The following PRMT8 variants were observed in gnomAD, a reference collection of about 807,000 sequenced individuals.
PRMT8 encodes protein arginine N-methyltransferase 8.
In PRMT8, 7 loss-of-function variants were observed where a neutral mutation model predicts 47.1. That is an observed-to-expected ratio of 0.15 (90% CI 0.08 to 0.28). PRMT8 has a LOEUF of 0.28. Among genes scored for constraint, PRMT8 ranks in the 10% least tolerant of loss-of-function variants. The probability of loss-of-function intolerance (pLI) is 1.00; values close to 1 mark genes in which losing one functional copy is unlikely to be tolerated. For missense variants in PRMT8, 237 were observed against 505.4 expected (o/e 0.47, Z 5.09); for synonymous variants, 188 against 186.5 (o/e 1.01, Z -0.07).
chr12:3,414,682 G>A (rs1193600401), intron 1 of PRMT8, among the ~76,000 whole-genome samples: 1 of 152,108 alleles, frequency 6.6e-6, no homozygotes, highest in African/African-American at 2.4e-5. Context: ...AGTGTATGCA[G>A]AGGATGATAT....
intron 4 of PRMT8, among the ~76,000 whole-genome samples, chr12:3,561,679 T>C (rs1212010707): frequency 6.6e-6 from 1 of 152,204 alleles, no homozygotes; most frequent in Non-Finnish European, 1.5e-5. Flanking sequence ...TCCCTTAGGA[T>C]GCCATGGCGG....
At position 3,540,613 on chromosome 12, in the gene PRMT8, G is replaced by GACCC; in HGVS notation, c.83_84insACCC (p.Ser28ArgfsTer15). The GACCC allele has an allele frequency of 1.8e-6, 2 of 1,130,522 alleles. No individual in the cohort carries two copies. The highest frequency in any genetic ancestry group is 1.3e-5 in the South Asian group (1 of 78,808). The allele number at this position is 1,130,522 out of a possible 1,614,324, so 70.0% of individuals were successfully genotyped here. ...CCCTTCTCTTCCCCTCAGGTGAACA[G>GACCC]CCCCCCCTCCCAGCCCCCCCAGCCC... On this transcript the variant is annotated frameshift_variant, in exon 2 of 10. Coordinates refer to ENST00000382622, the MANE Select transcript of PRMT8 (RefSeq NM_019854.5). LOFTEE classifies it high-confidence loss of function.
chr12:3,474,896 GAC>G (rs1243997525), intron 1 of PRMT8, among the ~76,000 whole-genome samples: 1 of 152,184 alleles, frequency 6.6e-6, no homozygotes, highest in Non-Finnish European at 1.5e-5. Flanking sequence ...TTGCTGGATG[GAC>G]AAACAAACAT....
At chr12:3,458,174 T>C (rs1565412850) in intron 1 of PRMT8, among the ~76,000 whole-genome samples, 1 of 152,244 alleles carries the variant, frequency 6.6e-6, no homozygotes. Context: ...AGCAGTGTTT[T>C]AATCGTGTAT....
chr12:3,593,264 C>A lies in PRMT8; in HGVS notation c.*82C>A. The A allele has an allele frequency of 8.5e-7, 1 of 1,177,304 alleles. No homozygotes were observed. Among genetic ancestry groups the A allele is most frequent in the Non-Finnish European group, 1.2e-6 (1 of 813,532 alleles). 72.9% of individuals were successfully genotyped at this position (1,177,304 alleles called of 1,614,324 possible). On this transcript the variant is annotated 3_prime_UTR_variant, in exon 10 of 10. Coordinates refer to ENST00000382622, the MANE Select transcript of PRMT8 (RefSeq NM_019854.5). This position sits in a 1 kb window ranked among gnomAD's most constrained non-coding sequence, Gnocchi z 4.8. Reference sequence around the variant, plus strand: ...GTGCCGTCCCAAAGAATACCGTTTGCAGGACTACACACTTGAAAACCAGAG... The same window carrying A: ...GTGCCGTCCCAAAGAATACCGTTTGAAGGACTACACACTTGAAAACCAGAG...
chr12:3,402,565 C>T (rs1864328419), intron 1 of PRMT8, among the ~76,000 whole-genome samples: 1 of 152,188 alleles, frequency 6.6e-6, no homozygotes, highest in South Asian at 2.1e-4. Context: ...TGTTTGCAAT[C>T]CATCCATCTG....
At chr12:3,527,763 C>T (rs1485506932) in intron 1 of PRMT8, among the ~76,000 whole-genome samples, 1 of 152,100 alleles carries the variant, frequency 6.6e-6, no homozygotes, top group Non-Finnish European at 1.5e-5. Flanking sequence ...ATTTCCAGAG[C>T]ACTTCATTCT....
intron 1 of PRMT8, among the ~76,000 whole-genome samples, chr12:3,472,232 A>G (rs575024662): frequency 6.6e-6 from 1 of 152,158 alleles, no homozygotes; most frequent in Non-Finnish European, 1.5e-5. Context: ...GCCCTGTGAA[A>G]TGGCTTCCCC....
At chr12:3,443,003 T>A (rs1017334556) in intron 1 of PRMT8, among the ~76,000 whole-genome samples, 5 of 152,158 alleles carry the variant, frequency 3.3e-5, no homozygotes, top group African/African-American at 7.2e-5. Flanking sequence ...AGATAATTTT[T>A]AAAAAAGTAA....
chr12:3,479,410 A>G (rs1865250515), intron 1 of PRMT8, among the ~76,000 whole-genome samples: 1 of 152,180 alleles, frequency 6.6e-6, no homozygotes, highest in Non-Finnish European at 1.5e-5. Flanking sequence ...TGTGTTCAAA[A>G]AAGCCCCATG....
intron 1 of PRMT8, among the ~76,000 whole-genome samples, chr12:3,419,046 C>T (rs149936262): frequency 5.9e-5 from 9 of 152,318 alleles, no homozygotes; most frequent in Admixed American, 1.3e-4. Flanking sequence ...GATACACAGA[C>T]GTTTTGTGGA....
Position 3,540,635 on chromosome 12 carries a change from G to GGGC in PRMT8, c.105_106insGGC (p.Gln35_Pro36insGly). 1 of 385,348 alleles carries GGGC rather than the reference G, an allele frequency of 2.6e-6. No homozygotes were observed. The highest frequency in any genetic ancestry group is 4.2e-6 in the Non-Finnish European group (1 of 235,684). The allele number at this position is 385,348 out of a possible 1,614,324, so 23.9% of individuals were successfully genotyped here. ...ACAGCCCCCCCTCCCAGCCCCCCCA[G>GGGC]CCCGTCGTCCCTGCTAAGCCCGTGC... On this transcript the variant is annotated inframe_insertion, in exon 2 of 10. Transcript: ENST00000382622.
intron 8 of PRMT8, among the ~76,000 whole-genome samples, chr12:3,589,671 G>T (rs1463290457): frequency 5.3e-5 from 8 of 152,290 alleles, no homozygotes; most frequent in African/African-American, 1.7e-4. Flanking sequence ...TGGCTAATGG[G>T]CCCATCATGG....
chr12:3,492,138 A>G lies in PRMT8; in HGVS notation c.75+438A>G, dbSNP rs1300653052. 6.6e-6 allele frequency among the ~76,000 whole-genome samples: 1 copy of G among 151,494 alleles called. No homozygotes were observed. Among genetic ancestry groups the G allele is most frequent in the Middle Eastern group, 3.2e-3 (1 of 314 alleles). On this transcript the variant is annotated intron_variant, in intron 1 of 9. Coordinates refer to ENST00000382622, the MANE Select transcript of PRMT8 (RefSeq NM_019854.5). The surrounding 1 kb of genome is among the most constrained non-coding windows in gnomAD (Gnocchi z 7.5). ...CAGGTCTGCCCCCTGCAGTGCCTTG[A>G]CCGTCTCCTGCCGCTGCCTCAGCTT...
intron 1 of PRMT8, among the ~76,000 whole-genome samples, chr12:3,526,433 G>A (rs987819533): frequency 1.3e-5 from 2 of 152,050 alleles, no homozygotes; most frequent in South Asian, 4.2e-4. Flanking sequence ...TTTGAGGAAC[G>A]GTCATACTGT....
chr12:3,413,176 G>C (rs1179687374), intron 1 of PRMT8, among the ~76,000 whole-genome samples: 1 of 152,174 alleles, frequency 6.6e-6, no homozygotes, highest in Non-Finnish European at 1.5e-5. Context: ...ATTTTTAGTA[G>C]AGATGGGGTT....
chr12:3,416,596 A>G (rs922511208), intron 1 of PRMT8, among the ~76,000 whole-genome samples: 4 of 152,360 alleles, frequency 2.6e-5, no homozygotes, highest in Non-Finnish European at 4.4e-5. Flanking sequence ...AGGAGCTGAC[A>G]GAGGATTTTG....
Position 3,576,627 on chromosome 12 carries a change from C to T in PRMT8, c.713-244C>T, listed in dbSNP as rs1396860168. 6.6e-6 allele frequency among the ~76,000 whole-genome samples: 1 copy of T among 152,188 alleles called. No homozygotes were observed. The highest frequency in any genetic ancestry group is 2.4e-5 in the African/African-American group (1 of 41,446). ...AGCTTGGAGCAGTTTCCCAGCCTCT[C>T]TGAGCTCTAGTTTACCTAACAACAA... On this transcript the variant is annotated intron_variant, in intron 6 of 9. Coordinates refer to ENST00000382622, the MANE Select transcript of PRMT8 (RefSeq NM_019854.5). This position sits in a 1 kb window ranked among gnomAD's most constrained non-coding sequence, Gnocchi z 4.0.
chr12:3,568,896 C>T (rs752339461), intron 5 of PRMT8, 48 bp downstream of exon 5: 29 of 1,609,620 alleles, frequency 1.8e-5, no homozygotes, highest in Non-Finnish European at 2.2e-5. Flanking sequence ...GGCTGTCCTG[C>T]TCCTCTACCC....
Sources: gnomAD v4.1 joint callset for allele counts (sites outside exome capture counted in the v4.1 genomes callset) on GRCh38, gnomAD v4.1.1 for gene constraint, Gnocchi (gnomAD v3.1) non-coding constraint, MANE v1.5 for transcripts, NCBI Gene and HGNC (gene_info 2026-07-23, HGNC 2026-07-21) for gene names.